LARGE1: variants seen among roughly 807,000 people sequenced by gnomAD.
The protein encoded by LARGE1 is xylosyl- and glucuronyltransferase LARGE1.
A neutral mutation model predicts 87.6 loss-of-function variants in LARGE1; 43 were observed. That is an observed-to-expected ratio of 0.49 (90% CI 0.38 to 0.63). The LOEUF (loss-of-function observed/expected upper bound fraction) is 0.63. LARGE1 is among the 30% of genes least tolerant of loss of function. LARGE1 has a pLI of 0.00. For synonymous variants in LARGE1, 434 were observed against 394.6 expected (o/e 1.10, Z -1.18); for missense variants, 802 against 1,000.2 (o/e 0.80, Z 2.67).
chr22:33,806,183 A>G (rs185323302), intron 1 of LARGE1, among the ~76,000 whole-genome samples: 1 of 152,046 alleles, frequency 6.6e-6, no homozygotes, highest in Non-Finnish European at 1.5e-5. Flanking sequence ...TATGAATGGG[A>G]TCAAACAATA....
chr22:33,278,293 T>TTCTGCTAACCTCTC (rs1929725802), intron 13 of LARGE1, among the ~76,000 whole-genome samples: 1 of 152,106 alleles, frequency 6.6e-6, no homozygotes, highest in Non-Finnish European at 1.5e-5. Context: ...CCACCAGTGA[T>TTCTGCTAACCTCTC]CTGGGAAGAG....
chr22:33,719,413 C>CACTG (rs1389671032), intron 2 of LARGE1, among the ~76,000 whole-genome samples: 1 of 152,188 alleles, frequency 6.6e-6, no homozygotes, highest in African/African-American at 2.4e-5. Flanking sequence ...ACCACTCACT[C>CACTG]ACTGACTCAC....
At chr22:33,595,045 T>A (rs1665840850) in intron 5 of LARGE1, among the ~76,000 whole-genome samples, 1 of 152,210 alleles carries the variant, frequency 6.6e-6, no homozygotes, top group Non-Finnish European at 1.5e-5. Flanking sequence ...TTTGGTTAAT[T>A]CTTTTGGCAA....
intron 2 of LARGE1, among the ~76,000 whole-genome samples, chr22:33,728,960 T>A (rs542343685): frequency 1.8e-4 from 27 of 152,160 alleles, no homozygotes; most frequent in Non-Finnish European, 3.4e-4. Flanking sequence ...ATCCAGAAGC[T>A]CAAAGGTATT....
At chr22:33,761,347 T>G (rs1449163794) in intron 2 of LARGE1, 24 bp downstream of exon 2, 1 of 1,563,570 alleles carries the variant, frequency 6.4e-7, no homozygotes, top group Non-Finnish European at 8.8e-7. Flanking sequence ...CCTCCTTCCC[T>G]CTCACTTTGG....
intron 5 of LARGE1, among the ~76,000 whole-genome samples, chr22:33,591,027 C>T (rs536270242): frequency 1.3e-5 from 2 of 152,226 alleles, no homozygotes; most frequent in African/African-American, 4.8e-5. Flanking sequence ...ATGGCAAAAC[C>T]CCGTCTCTAC....
chr22:33,177,858 G>T (rs560234882), intron 11 of LARGE1, among the ~76,000 whole-genome samples: 2 of 152,118 alleles, frequency 1.3e-5, no homozygotes, highest in Non-Finnish European at 2.9e-5. Flanking sequence ...TGATTGGATC[G>T]TAGGGGCAGT....
intron 11 of LARGE1, among the ~76,000 whole-genome samples, chr22:33,203,336 G>T (rs1482682045): frequency 6.6e-6 from 1 of 152,058 alleles, no homozygotes; most frequent in Admixed American, 6.5e-5. Flanking sequence ...AGGATAATTC[G>T]AGCCTGATCT....
In LARGE1 at chr22:33,510,190, C is replaced by T. The variant is rs558113790; in HGVS notation, c.787+54658G>A. 7.2e-5 allele frequency among the ~76,000 whole-genome samples: 11 copies of T among 152,310 alleles called. No individual in the cohort carries two copies. In the East Asian group the frequency reaches 9.6e-4, roughly 13 times the overall value. ...ACATTTATTAGGCACCGACCATGCA[C>T]GAAGCAGTCTAAACATGCAAGTCTT... is the stretch of plus-strand genomic sequence containing the variant. On this transcript the variant is annotated intron_variant, in intron 6 of 14. Transcript: ENST00000397394.
At chr22:33,683,279 T>C (rs1223551789) in intron 2 of LARGE1, among the ~76,000 whole-genome samples, 1 of 152,188 alleles carries the variant, frequency 6.6e-6, no homozygotes, top group Non-Finnish European at 1.5e-5. Context: ...CTGAGTAGAA[T>C]AAAAAGGCTG....
At chr22:33,666,693 C>A (rs2081276458) in intron 2 of LARGE1, among the ~76,000 whole-genome samples, 1 of 152,180 alleles carries the variant, frequency 6.6e-6, no homozygotes, top group Admixed American at 6.5e-5. Context: ...CCAGTGGATT[C>A]AGAGGCTGGT....
intron 2 of LARGE1, among the ~76,000 whole-genome samples, chr22:33,710,308 A>G (rs2082694969): frequency 6.6e-6 from 1 of 152,244 alleles, no homozygotes; most frequent in African/African-American, 2.4e-5. Context: ...ACGTCTTCTC[A>G]GAAGAGACTG....
chr22:33,208,598 G>C (rs1345662213), intron 11 of LARGE1, among the ~76,000 whole-genome samples: 1 of 151,184 alleles, frequency 6.6e-6, no homozygotes, highest in East Asian at 1.9e-4. Context: ...TATACTTTAA[G>C]TTCTGGGGTA....
chr22:33,570,857 A>T lies in LARGE1; in HGVS notation c.616-5838T>A, dbSNP rs542351887. 1.2e-4 allele frequency among the ~76,000 whole-genome samples: 19 copies of T among 152,076 alleles called. No homozygotes were observed. The South Asian group carries it at 4.0e-3, about 32-fold the overall frequency. On this transcript the variant is annotated intron_variant, in intron 5 of 14. Coordinates refer to ENST00000397394, the MANE Select transcript of LARGE1 (RefSeq NM_133642.5). ...TCATTTCCATGCCGCAACACACTTCAGTCCAACCAGGAACTTCTTACATCA... is the reference window on the plus strand; with the variant it reads ...TCATTTCCATGCCGCAACACACTTCTGTCCAACCAGGAACTTCTTACATCA...
chr22:33,813,262 A>G (rs2086554225), intron 1 of LARGE1, among the ~76,000 whole-genome samples: 2 of 152,062 alleles, frequency 1.3e-5, no homozygotes, highest in African/African-American at 4.8e-5. Flanking sequence ...AAGAAAAAAA[A>G]AAAAAAAAAT....
At chr22:33,922,079 C>T (rs1204331280), upstream of LARGE1, among the ~76,000 whole-genome samples, 3 of 152,110 alleles carry the variant, frequency 2.0e-5, no homozygotes, top group Non-Finnish European at 2.9e-5. Context: ...CCACCTCTCC[C>T]CAGCCGGGCG....
At chr22:33,218,978 C>T (rs1422800028) in intron 11 of LARGE1, among the ~76,000 whole-genome samples, 1 of 152,170 alleles carries the variant, frequency 6.6e-6, no homozygotes, top group African/African-American at 2.4e-5. Flanking sequence ...TCAGTTGTGC[C>T]TTTCCCCACT....
At chr22:33,266,760 C>G (rs1223871965) in intron 11 of LARGE1, among the ~76,000 whole-genome samples, 3 of 151,578 alleles carry the variant, frequency 2.0e-5, no homozygotes, top group African/African-American at 7.3e-5. Context: ...ATGAGGCCAA[C>G]CAACAGACTC....
intron 2 of LARGE1, chr22:33,750,946 GCA>G (rs1473424995): frequency 2.0e-5 from 3 of 152,122 alleles, no homozygotes; most frequent in Non-Finnish European, 4.4e-5. Context: ...TTCTTAAAAA[GCA>G]TTTGAACTTC....
Sources: gnomAD v4.1 joint callset for allele counts (sites outside exome capture counted in the v4.1 genomes callset) on GRCh38, gnomAD v4.1.1 for gene constraint, MANE v1.5 for transcripts, NCBI Gene and HGNC (gene_info 2026-07-23, HGNC 2026-07-21) for gene names.